The following CDS1 variants were observed in gnomAD, a reference collection of about 807,000 sequenced individuals.
CDS1 encodes the protein phosphatidate cytidylyltransferase 1.
Under a neutral mutation model 62.1 loss-of-function variants are expected in CDS1, and 41 were observed. That is an observed-to-expected ratio of 0.66 (90% CI 0.51 to 0.86). CDS1 has a LOEUF of 0.86. Ranked by LOEUF, CDS1 falls within the 40% of genes least tolerant of loss-of-function variation. The pLI is 0.00. For synonymous variants in CDS1, 185 were observed against 192.6 expected (o/e 0.96, Z 0.32); for missense variants, 470 against 550.1 (o/e 0.85, Z 1.46).
At chr4:84,631,708 A>G in intron 5 of CDS1, 111 bp from the exon 6 acceptor site, 1 of 790,856 alleles carries the variant, frequency 1.3e-6, no homozygotes, top group Non-Finnish European at 2.2e-6. Context: ...CTGAGTAAGT[A>G]GCTAAAATAT....
chr4:84,637,350 C>T (rs1310476241), intron 8 of CDS1, among the ~76,000 whole-genome samples: 1 of 152,134 alleles, frequency 6.6e-6, no homozygotes, highest in East Asian at 1.9e-4. Flanking sequence ...GCTTATGGTT[C>T]TGCAAGCTGT....
intron 3 of CDS1, among the ~76,000 whole-genome samples, chr4:84,613,127 G>A (rs1040806828): frequency 6.6e-6 from 1 of 151,612 alleles, no homozygotes; most frequent in Non-Finnish European, 1.5e-5. Flanking sequence ...TTTGTGTTAA[G>A]AGAATATGGA....
chr4:84,643,262 A>G (rs985052834), intron 11 of CDS1, 119 bp downstream of exon 11: 2 of 868,824 alleles, frequency 2.3e-6, no homozygotes, highest in Admixed American at 2.2e-5. Context: ...TTTATATCCT[A>G]TTTGTTTCGA....
chr4:84,644,838 C>T (rs572380954), intron 11 of CDS1, among the ~76,000 whole-genome samples: 4 of 152,220 alleles, frequency 2.6e-5, no homozygotes, highest in Non-Finnish European at 4.4e-5. Context: ...AGTTGTACAT[C>T]TTTTAGCAGC....
At chr4:84,637,602 A>G (rs1179574041) in intron 8 of CDS1, among the ~76,000 whole-genome samples, 2 of 152,188 alleles carry the variant, frequency 1.3e-5, no homozygotes, top group African/African-American at 4.8e-5. Context: ...ACTGAGGATT[A>G]CAAGTGGACG....
intron 3 of CDS1, among the ~76,000 whole-genome samples, chr4:84,612,425 C>T (rs913965533): frequency 2.6e-5 from 4 of 152,058 alleles, no homozygotes; most frequent in African/African-American, 9.7e-5. Flanking sequence ...CTGTGATTTA[C>T]ATTTTTCTCC....
intron 5 of CDS1, among the ~76,000 whole-genome samples, chr4:84,624,866 G>A (rs1290434463): frequency 8.6e-6 from 1 of 116,046 alleles, no homozygotes; most frequent in African/African-American, 2.6e-5. Flanking sequence ...TCAATGTTGT[G>A]TCTTTTTTTT....
intron 8 of CDS1, among the ~76,000 whole-genome samples, chr4:84,638,222 T>A (rs1225807562): frequency 6.6e-6 from 1 of 152,194 alleles, no homozygotes; most frequent in African/African-American, 2.4e-5. Context: ...TCCAGATTTC[T>A]TTCCATGAAT....
intron 5 of CDS1, among the ~76,000 whole-genome samples, chr4:84,625,580 A>G (rs948903244): frequency 6.6e-6 from 1 of 152,144 alleles, no homozygotes; most frequent in Non-Finnish European, 1.5e-5. Context: ...TGCAGGCATG[A>G]GAATGAGAAA....
At chr4:84,604,915 G>A (rs1227649472) in intron 2 of CDS1, among the ~76,000 whole-genome samples, 6 of 152,066 alleles carry the variant, frequency 3.9e-5, no homozygotes, top group Non-Finnish European at 8.8e-5. Flanking sequence ...ATGGCACCAG[G>A]CCAGTATTTT....
intron 11 of CDS1, among the ~76,000 whole-genome samples, 169 bp downstream of exon 11, chr4:84,643,312 T>G (rs941553428): frequency 4.6e-5 from 7 of 152,216 alleles, no homozygotes; most frequent in African/African-American, 1.7e-4. Flanking sequence ...AATGTATTCT[T>G]TCTTTTTAGG....
chr4:84,612,523 A>C (rs1221626194), intron 3 of CDS1, among the ~76,000 whole-genome samples: 1 of 152,206 alleles, frequency 6.6e-6, no homozygotes, highest in South Asian at 2.1e-4. Flanking sequence ...AATTCAAGAC[A>C]GTTTTAAAGA....
At chr4:84,645,995 A>C (rs892127926) in intron 12 of CDS1, among the ~76,000 whole-genome samples, 6 of 152,176 alleles carry the variant, frequency 3.9e-5, no homozygotes, top group African/African-American at 1.2e-4. Context: ...ATCTGCCTTG[A>C]AATACCAGTG....
chr4:84,631,364 T>C (rs1724014644), intron 5 of CDS1, among the ~76,000 whole-genome samples: 1 of 152,168 alleles, frequency 6.6e-6, no homozygotes. Context: ...TCATTAAAGA[T>C]AAAATGCTTA....
intron 12 of CDS1, among the ~76,000 whole-genome samples, chr4:84,645,883 G>T (rs932810731): frequency 2.6e-5 from 4 of 152,182 alleles, no homozygotes; most frequent in Non-Finnish European, 5.9e-5. Context: ...AGGCCGAGGG[G>T]ATCATGCCTG....
Position 84,624,478 on chromosome 4 carries a change from C to T in CDS1, c.580+4945C>T, listed in dbSNP as rs192658046. On this transcript the variant is annotated intron_variant, in intron 5 of 12. Transcript: ENST00000295887. ...AAGCTTTTATGTTTATATCCCCCCT[C>T]CCTTTTTCTTATGCAAGTAAGAGTA... 3.5e-3 allele frequency among the ~76,000 whole-genome samples: 531 copies of T among 152,078 alleles called. 6 individuals carry two copies. Among genetic ancestry groups the T allele is most frequent in the Non-Finnish European group, 1.5e-3 (101 of 67,992 alleles).
rs536697551 is a variant in CDS1, at chr4:84,650,462, G to T, written c.*1776G>T. 162 of 151,740 alleles carry T rather than the reference G, an allele frequency of 1.1e-3. No individual in the cohort carries two copies. The highest frequency in any genetic ancestry group is 3.6e-3 in the African/African-American group (150 of 41,348). 9.4% of individuals were successfully genotyped at this position (151,740 alleles called of 1,614,324 possible). A position where few individuals can be genotyped will look rare whatever the true frequency, so the allele number is the denominator to read the frequency against. The stretch of plus-strand genomic sequence containing the variant: ...TTGTCCCATTACAGCCTCAAATGTT[G>T]GTCATAAAAAAAATTTAGGCTACCA... On this transcript the variant is annotated 3_prime_UTR_variant, in exon 13 of 13. Coordinates refer to ENST00000295887, the MANE Select transcript of CDS1 (RefSeq NM_001263.4).
At chr4:84,619,085 ACT>A (rs1553904242) in intron 4 of CDS1, among the ~76,000 whole-genome samples, 2 of 146,696 alleles carry the variant, frequency 1.4e-5, no homozygotes, top group African/African-American at 5.3e-5. Flanking sequence ...ACACACACAC[ACT>A]GCTCCCGCCT....
At chr4:84,590,687 TC>T (rs968138985) in intron 1 of CDS1, among the ~76,000 whole-genome samples, 2 of 152,194 alleles carry the variant, frequency 1.3e-5, no homozygotes, top group African/African-American at 4.8e-5. Context: ...GGGACATACT[TC>T]CAAGTTGCCT....
Sources: gnomAD v4.1 joint callset for allele counts (sites outside exome capture counted in the v4.1 genomes callset) on GRCh38, gnomAD v4.1.1 for gene constraint, MANE v1.5 for transcripts, NCBI Gene and HGNC (gene_info 2026-07-23, HGNC 2026-07-21) for gene names.